KIAA1217: variants seen among roughly 807,000 people sequenced by gnomAD.
KIAA1217 encodes sickle tail protein homolog.
KIAA1217 carries 88 observed loss-of-function variants against 163.9 expected under a neutral mutation model. The observed-to-expected ratio is 0.54, with a 90% CI of 0.45 to 0.64. KIAA1217 has a LOEUF of 0.64. KIAA1217 is among the 30% of genes least tolerant of loss of function. The pLI is 0.00. For missense variants in KIAA1217, 2,372 were observed against 2,475.0 expected, an observed-to-expected ratio of 0.96 and a Z score of 0.88; for synonymous variants, 903 against 923.1, an observed-to-expected ratio of 0.98 and a Z score of 0.39.
intron 2 of KIAA1217, among the ~76,000 whole-genome samples, chr10:24,026,858 G>A (rs527519510): frequency 6.8e-6 from 1 of 146,376 alleles, no homozygotes; most frequent in Admixed American, 7.0e-5. Flanking sequence ...TTATTTTCTA[G>A]CATAAATAGT....
intron 3 of KIAA1217, among the ~76,000 whole-genome samples, chr10:24,415,055 C>T (rs185497437): frequency 3.2e-4 from 48 of 151,810 alleles, no homozygotes; most frequent in African/African-American, 1.1e-3. Flanking sequence ...CTCTTAAAGT[C>T]CCTGCATGGT....
intron 1 of KIAA1217, among the ~76,000 whole-genome samples, chr10:23,883,376 C>T (rs982426683): frequency 2.6e-5 from 4 of 151,706 alleles, no homozygotes; most frequent in African/African-American, 9.7e-5. Flanking sequence ...TTGCCTCTTG[C>T]TTAAAAAAAG....
At chr10:24,242,459 G>A (rs1178338911) in intron 2 of KIAA1217, among the ~76,000 whole-genome samples, 2 of 152,122 alleles carry the variant, frequency 1.3e-5, no homozygotes, top group Non-Finnish European at 2.9e-5. Context: ...GAATTCCATG[G>A]TGAACATGTA....
At chr10:24,232,180 G>A (rs1183140384) in intron 2 of KIAA1217, among the ~76,000 whole-genome samples, 2 of 152,154 alleles carry the variant, frequency 1.3e-5, no homozygotes, top group Admixed American at 6.5e-5. Context: ...GACATCTTGC[G>A]GCAGAGACTG....
chr10:24,163,196 C>T (rs945985188), intron 2 of KIAA1217, among the ~76,000 whole-genome samples: 3 of 152,176 alleles, frequency 2.0e-5, no homozygotes, highest in Non-Finnish European at 4.4e-5. Flanking sequence ...TCAGGTAACA[C>T]TTTTTAGAGG....
chr10:23,732,671 C>T (rs927306363), intron 1 of KIAA1217, among the ~76,000 whole-genome samples: 4 of 151,862 alleles, frequency 2.6e-5, no homozygotes, highest in Non-Finnish European at 4.4e-5. Flanking sequence ...TTATTTTTTT[C>T]CTCTACTTAC....
intron 1 of KIAA1217, among the ~76,000 whole-genome samples, chr10:23,810,465 T>C (rs1836952214): frequency 7.0e-6 from 1 of 142,612 alleles, no homozygotes; most frequent in African/African-American, 2.6e-5. Flanking sequence ...GTATACTATG[T>C]ATAATCTATA....
chr10:23,796,340 C>CTTAT (rs34347212), intron 1 of KIAA1217, among the ~76,000 whole-genome samples: 14,336 of 148,394 alleles, frequency 0.097, 782 homozygotes, highest in African/African-American at 0.17. Flanking sequence ...CGAGAGACTG[C>CTTAT]TTATTTATTT....
intron 1 of KIAA1217, among the ~76,000 whole-genome samples, chr10:23,881,546 C>T (rs1397523715): frequency 1.3e-5 from 2 of 151,930 alleles, no homozygotes; most frequent in Non-Finnish European, 2.9e-5. Flanking sequence ...AAGGGATTCG[C>T]TGGAATCAAG....
Position 24,402,526 on chromosome 10 carries a change from AAC to A in KIAA1217, c.553+21461_553+21462del, listed in dbSNP as rs1318638552. Among the ~76,000 whole-genome samples, 864 of 123,304 alleles carry A rather than the reference AAC, an allele frequency of 7.0e-3. 31 individuals are homozygous for A. Among genetic ancestry groups the A allele is most frequent in the African/African-American group, 0.025 (817 of 33,030 alleles). 80.9% of individuals were successfully genotyped at this position (123,304 alleles called of 152,430 possible). ...TCCCTCTCAAAAAAACAAAAAACAA[AAC>A]AAAAAAAAAAAAAAGGCAAAGGAGT... On this transcript the variant is annotated intron_variant, in intron 3 of 20. Transcript: ENST00000376454.
intron 1 of KIAA1217, among the ~76,000 whole-genome samples, chr10:23,857,007 G>A (rs9417386): frequency 0.44 from 66,471 of 152,090 alleles, 18,028 homozygotes; most frequent in Non-Finnish European, 0.62. Flanking sequence ...CACATGGTGC[G>A]CTGCACCCAC....
chr10:23,699,103 C>T (rs1225920228), intron 1 of KIAA1217, among the ~76,000 whole-genome samples: 3 of 152,212 alleles, frequency 2.0e-5, no homozygotes, highest in Non-Finnish European at 4.4e-5. Context: ...TCTCTGAGAG[C>T]GGTCTCCCAT....
intron 1 of KIAA1217, among the ~76,000 whole-genome samples, chr10:23,896,445 T>G (rs541861130): frequency 1.5e-4 from 23 of 152,080 alleles, no homozygotes; most frequent in Non-Finnish European, 2.6e-4. Context: ...ATCACCTGAT[T>G]ATAATGTCTT....
chr10:23,823,245 T>TA (rs1837711946), intron 1 of KIAA1217, among the ~76,000 whole-genome samples: 1 of 152,200 alleles, frequency 6.6e-6, no homozygotes, highest in Non-Finnish European at 1.5e-5. Context: ...TTCGGTTCGT[T>TA]ACGGTTGTAG....
chr10:23,732,913 C>A (rs1284412989), intron 1 of KIAA1217, among the ~76,000 whole-genome samples: 1 of 152,036 alleles, frequency 6.6e-6, no homozygotes, highest in African/African-American at 2.4e-5. Context: ...GCTTTAATGC[C>A]TTTACATCAT....
intron 9 of KIAA1217, among the ~76,000 whole-genome samples, chr10:24,512,145 A>G (rs1257052800): frequency 1.3e-5 from 2 of 152,188 alleles, no homozygotes; most frequent in Admixed American, 6.5e-5. Flanking sequence ...ATCTTTATTC[A>G]GAGAAAACAG....
intron 2 of KIAA1217, among the ~76,000 whole-genome samples, chr10:24,317,325 C>T (rs2043528218): frequency 6.6e-6 from 1 of 152,056 alleles, no homozygotes; most frequent in African/African-American, 2.4e-5. Context: ...TGCTATGTCG[C>T]CCAGGCTGGT....
intron 4 of KIAA1217, among the ~76,000 whole-genome samples, chr10:24,434,021 CTCTCTTTTTT>C (rs2059811194): frequency 8.2e-6 from 1 of 122,338 alleles, no homozygotes; most frequent in African/African-American, 3.3e-5. Flanking sequence ...CTCTCTCTCT[CTCTCTTTTTT>C]TTTTTTTTTT....
intron 1 of KIAA1217, among the ~76,000 whole-genome samples, chr10:23,865,325 T>A (rs1274343274): frequency 6.6e-6 from 1 of 152,170 alleles, no homozygotes; most frequent in Non-Finnish European, 1.5e-5. Flanking sequence ...TTTCCCAGAC[T>A]GTGGGAAGTT....
Sources: gnomAD v4.1 joint callset for allele counts (sites outside exome capture counted in the v4.1 genomes callset) on GRCh38, gnomAD v4.1.1 for gene constraint, MANE v1.5 for transcripts, NCBI Gene and HGNC (gene_info 2026-07-23, HGNC 2026-07-21) for gene names.